The following SBF2 variants were observed in gnomAD, a reference collection of about 807,000 sequenced individuals.
SBF2 encodes the protein SET binding factor 2, also known as myotubularin-related protein 13.
SBF2 carries 112 observed loss-of-function variants against 225.2 expected under a neutral mutation model. That is an observed-to-expected ratio of 0.50 (90% CI 0.43 to 0.58). SBF2 has a LOEUF of 0.58. Among genes scored for constraint, SBF2 ranks in the 20% least tolerant of loss-of-function variants. The pLI is 0.00. For missense variants in SBF2, 1,996 were observed against 2,206.2 expected (o/e 0.90, Z 1.91); for synonymous variants, 763 against 773.3 (o/e 0.99, Z 0.22).
At chr11:9,894,983 C>CGATA (rs1861123232) in intron 17 of SBF2, among the ~76,000 whole-genome samples, 1 of 152,058 alleles carries the variant, frequency 6.6e-6, no homozygotes, top group Non-Finnish European at 1.5e-5. Flanking sequence ...AACTCTGTCT[C>CGATA]AATAAATAAA....
intron 1 of SBF2, among the ~76,000 whole-genome samples, chr11:10,209,607 C>A (rs1232048474): frequency 6.6e-6 from 1 of 151,942 alleles, no homozygotes; most frequent in Non-Finnish European, 1.5e-5. Flanking sequence ...GCTGTTTGTA[C>A]CCCCTATTAA....
chr11:10,087,325 A>C (rs543464735), intron 2 of SBF2, among the ~76,000 whole-genome samples: 2 of 152,310 alleles, frequency 1.3e-5, no homozygotes, highest in East Asian at 3.9e-4. Context: ...GCAGTAGAAC[A>C]TTGTGTTCTA....
chr11:10,113,589 G>T (rs1952982202), intron 2 of SBF2, among the ~76,000 whole-genome samples: 1 of 152,056 alleles, frequency 6.6e-6, no homozygotes, highest in African/African-American at 2.4e-5. Context: ...AAAGACTAAA[G>T]ATGTAGATGG....
chr11:9,942,905 A>AAGAAAGAAAGAAAGAT, intron 16 of SBF2, among the ~76,000 whole-genome samples: 1 of 42,410 alleles, frequency 2.4e-5, no homozygotes, highest in South Asian at 6.7e-4. Context: ...GAGAGAGAGA[A>AAGAAAGAAAGAAAGAT]AGAAAGAAAG....
At chr11:9,797,844 G>A (rs1180973232) in intron 32 of SBF2, among the ~76,000 whole-genome samples, 2 of 152,124 alleles carry the variant, frequency 1.3e-5, no homozygotes, top group Non-Finnish European at 1.5e-5. Context: ...GTGGTGGCAC[G>A]TGCCTGTAGC....
intron 1 of SBF2, among the ~76,000 whole-genome samples, chr11:10,252,682 C>T (rs1291531714): frequency 1.3e-5 from 2 of 151,952 alleles, no homozygotes; most frequent in Non-Finnish European, 2.9e-5. Flanking sequence ...TGGTGGCAGG[C>T]GCCTGTAGTC....
chr11:10,117,440 C>CAAAAA (rs57722094), intron 2 of SBF2, among the ~76,000 whole-genome samples: 5 of 40,896 alleles, frequency 1.2e-4, no homozygotes, highest in South Asian at 6.8e-4. Context: ...GAATCCAACT[C>CAAAAA]AAAAAAAAAA....
At chr11:9,787,955 T>G in intron 35 of SBF2, 1 of 584,758 alleles carries the variant, frequency 1.7e-6, no homozygotes, top group Non-Finnish European at 3.1e-6. Context: ...TATTAGGACC[T>G]ATAACTAGGC....
intron 6 of SBF2, among the ~76,000 whole-genome samples, chr11:10,008,349 G>A (rs900276454): frequency 7.2e-5 from 11 of 152,166 alleles, no homozygotes; most frequent in African/African-American, 2.2e-4. Context: ...CTACAGGACC[G>A]TTTCCTAACT....
chr11:10,228,069 T>C (rs1370744036), intron 1 of SBF2, among the ~76,000 whole-genome samples: 1 of 151,818 alleles, frequency 6.6e-6, no homozygotes, highest in Non-Finnish European at 1.5e-5. Flanking sequence ...AGGTACTTTA[T>C]TCTCTTTGAA....
At chr11:9,963,987 A>ACACCCGTAAT in intron 14 of SBF2, 105 bp from the exon 15 acceptor site, 1 of 709,910 alleles carries the variant, frequency 1.4e-6, no homozygotes, top group Non-Finnish European at 2.5e-6. Flanking sequence ...GTGGAGGCTC[A>ACACCCGTAAT]CACCCGTAAT....
chr11:9,826,876 G>A, intron 28 of SBF2, among the ~76,000 whole-genome samples: 1 of 151,918 alleles, frequency 6.6e-6, no homozygotes, highest in Non-Finnish European at 1.5e-5. Context: ...CAGCAATGGT[G>A]CGATCTTGGC....
At position 10,272,322 on chromosome 11, in the gene SBF2, G is replaced by T; in HGVS notation, c.55+21693C>A. On this transcript the variant is annotated intron_variant, in intron 1 of 39. Coordinates refer to ENST00000256190, the MANE Select transcript of SBF2 (RefSeq NM_030962.4). ...TGATTCTTTAGGAGAATGACAAGTC[G>T]TTCACTGTAACTAAGGCTTACTTAC... 3.8e-6 allele frequency: 3 copies of T among 795,406 alleles called. 1 individual carries two copies. Among genetic ancestry groups the T allele is most frequent in the South Asian group, 3.9e-5 (2 of 51,608 alleles). The allele number at this position is 795,406 out of a possible 1,614,324, so 49.3% of individuals were successfully genotyped here.
intron 22 of SBF2, among the ~76,000 whole-genome samples, chr11:9,847,462 T>C (rs1468202978): frequency 6.6e-6 from 1 of 150,442 alleles, no homozygotes; most frequent in African/African-American, 2.5e-5. Context: ...CCCAACCTAC[T>C]GTGTGCCACA....
At chr11:10,155,570 C>T (rs1250270765) in intron 2 of SBF2, among the ~76,000 whole-genome samples, 2 of 151,954 alleles carry the variant, frequency 1.3e-5, no homozygotes, top group African/African-American at 2.4e-5. Flanking sequence ...AATTTCCCAC[C>T]AATTTTATTC....
chr11:9,864,829 A>G (rs1858054494), intron 17 of SBF2, among the ~76,000 whole-genome samples: 1 of 152,210 alleles, frequency 6.6e-6, no homozygotes, highest in South Asian at 2.1e-4. Context: ...ACTGTTGTCA[A>G]GTCCTTTGCC....
intron 32 of SBF2, among the ~76,000 whole-genome samples, chr11:9,801,062 TTATTA>T (rs1336289857): frequency 6.6e-6 from 1 of 152,228 alleles, no homozygotes; most frequent in Admixed American, 6.5e-5. Flanking sequence ...AAATTTAGCC[TTATTA>T]TATTATGTAG....
chr11:9,892,042 C>T (rs7949582), intron 17 of SBF2, among the ~76,000 whole-genome samples: 88,721 of 152,066 alleles, frequency 0.58, 26,376 homozygotes, highest in African/African-American at 0.66. Flanking sequence ...CAAGATGTAC[C>T]ACTAAGTGAA....
intron 17 of SBF2, among the ~76,000 whole-genome samples, chr11:9,860,550 T>C (rs1345550017): frequency 1.3e-5 from 2 of 152,066 alleles, no homozygotes; most frequent in Non-Finnish European, 2.9e-5. Flanking sequence ...AGGCTGGTCT[T>C]GAACTCCTGG....
Sources: allele counts gnomAD v4.1 joint callset (sites outside exome capture counted in the v4.1 genomes callset), GRCh38; gene constraint gnomAD v4.1.1; transcripts MANE v1.5; gene names NCBI Gene and HGNC (gene_info 2026-07-23, HGNC 2026-07-21).